The following PCDH7 variants were observed in gnomAD, a reference collection of about 807,000 sequenced individuals.
PCDH7 encodes protocadherin-7.
In PCDH7, 17 loss-of-function variants were observed where a neutral mutation model predicts 58.9. That is an observed-to-expected ratio of 0.29 (90% confidence interval 0.20 to 0.43). The LOEUF (loss-of-function observed/expected upper bound fraction) is 0.43. Among genes scored for constraint, PCDH7 ranks in the 20% least tolerant of loss-of-function variants. The pLI is 1.00. For missense variants in PCDH7, 1,274 were observed against 1,441.0 expected (o/e 0.88, Z 1.88); for synonymous variants, 664 against 616.4 (o/e 1.08, Z -1.14).
chr4:30,973,803 C>T (rs375847040), intron 3 of PCDH7, among the ~76,000 whole-genome samples: 27 of 151,122 alleles, frequency 1.8e-4, no homozygotes, highest in Admixed American at 9.9e-4. Context: ...ATCTCCATTT[C>T]GCCTCGAGAA....
intron 1 of PCDH7, 79 bp from the exon 2 acceptor site, chr4:30,920,074 A>G: frequency 9.4e-7 from 1 of 1,068,952 alleles, no homozygotes; most frequent in Non-Finnish European, 1.3e-6. Flanking sequence ...ACCTTAATGT[A>G]TGTAATTTAT....
intron 3 of PCDH7, among the ~76,000 whole-genome samples, chr4:31,025,716 C>G (rs1018949156): frequency 6.6e-6 from 1 of 152,150 alleles, no homozygotes; most frequent in Non-Finnish European, 1.5e-5. Context: ...CCAAATATAT[C>G]AAGAACCAGT....
chr4:30,858,981 T>C (rs1733842806), intron 1 of PCDH7, among the ~76,000 whole-genome samples: 1 of 152,216 alleles, frequency 6.6e-6, no homozygotes, highest in African/African-American at 2.4e-5. Context: ...GCCACACATA[T>C]GTTTGGCCAA....
intron 1 of PCDH7, among the ~76,000 whole-genome samples, chr4:30,907,693 G>A (rs374423682): frequency 2.6e-5 from 4 of 152,136 alleles, no homozygotes; most frequent in Non-Finnish European, 4.4e-5. Context: ...ACAGTGTGGC[G>A]ATTCCTCAAG....
intron 3 of PCDH7, among the ~76,000 whole-genome samples, chr4:31,106,420 G>C (rs1480581585): frequency 1.3e-5 from 2 of 152,154 alleles, no homozygotes; most frequent in Non-Finnish European, 2.9e-5. Flanking sequence ...CCAGGTAAGT[G>C]CTAACTATAG....
Position 31,107,753 on chromosome 4 carries a change from AAT to A in PCDH7, c.*8-34716_*8-34715del, listed in dbSNP as rs370396818. On this transcript the variant is annotated intron_variant, in intron 3 of 3. Coordinates refer to the PCDH7 transcript ENST00000509759. ...AAGTAGTTTATAATCTAGTGGGAAA[AAT>A]ATAGTCTTTGAAGTCAGTCAAACTA... Among the ~76,000 whole-genome samples, 78 of 152,220 alleles carry A rather than the reference AAT, an allele frequency of 5.1e-4. No homozygotes were observed. In the Middle Eastern group the frequency reaches 0.014, roughly 27 times the overall value.
At chr4:31,102,819 A>G (rs904509286) in intron 3 of PCDH7, among the ~76,000 whole-genome samples, 5 of 152,158 alleles carry the variant, frequency 3.3e-5, no homozygotes, top group Admixed American at 6.5e-5. Context: ...TGGACTTTCT[A>G]TGAGACATAG....
intron 1 of PCDH7, among the ~76,000 whole-genome samples, chr4:30,814,552 AT>A (rs914389811): frequency 1.1e-4 from 16 of 150,166 alleles, no homozygotes; most frequent in South Asian, 2.1e-4. Flanking sequence ...GGCCTAAGAA[AT>A]TTTTTTTTTA....
Position 31,130,690 on chromosome 4 carries a change from A to C in PCDH7, c.*8-11783A>C, listed in dbSNP as rs139307614. 7.2e-5 allele frequency among the ~76,000 whole-genome samples: 11 copies of C among 152,308 alleles called. No homozygotes were observed. The East Asian group carries it at 2.1e-3, about 29-fold the overall frequency. ...TCCCTTTCTAGAGGCTCAAGGGGAG[A>C]ATCCGCTTCCTTGCCTCTTCCTGTT... On this transcript the variant is annotated intron_variant, in intron 3 of 3. Transcript: ENST00000509759.
At chr4:31,021,177 A>G (rs1015324756) in intron 3 of PCDH7, among the ~76,000 whole-genome samples, 1 of 152,186 alleles carries the variant, frequency 6.6e-6, no homozygotes, top group African/African-American at 2.4e-5. Flanking sequence ...GTCATGGGAT[A>G]AGGGTCTCCA....
chr4:30,791,263 G>T (rs1724087257), intron 1 of PCDH7, among the ~76,000 whole-genome samples: 1 of 152,104 alleles, frequency 6.6e-6, no homozygotes, highest in Non-Finnish European at 1.5e-5. Context: ...AATTCAGCCT[G>T]CTTGGGTTTG....
rs539451009 is a variant in PCDH7 at position 30,723,018 on chromosome 4, G to C, written c.1596G>C (p.Pro532=). The C allele has an allele frequency of 1.2e-6, 2 of 1,613,884 alleles. No homozygotes were observed. The highest frequency in any genetic ancestry group is 2.2e-5 in the East Asian group (1 of 44,874). ...AGGTGGGAGACACCAACGACAACCC[G>C]CCCATGTTCGGCCAGTCGGTGGTGG... Residue 532 remains proline (P), a synonymous_variant, in exon 1 of 2, where the codon CCG becomes CCC. Coordinates refer to ENST00000361762, the Ensembl canonical transcript of PCDH7. The surrounding 1 kb of genome is among the most constrained non-coding windows in gnomAD (Gnocchi z 4.6).
At chr4:31,005,973 G>A (rs1458735699) in intron 3 of PCDH7, among the ~76,000 whole-genome samples, 1 of 152,128 alleles carries the variant, frequency 6.6e-6, no homozygotes, top group Non-Finnish European at 1.5e-5. Flanking sequence ...AGTTCATCTC[G>A]AGCCTGACTA....
At chr4:30,795,250 G>A (rs1317775489) in intron 1 of PCDH7, among the ~76,000 whole-genome samples, 1 of 152,038 alleles carries the variant, frequency 6.6e-6, no homozygotes, top group African/African-American at 2.4e-5. Context: ...GGAGTAGCTG[G>A]AATTACAGTC....
At chr4:30,738,663 T>C (rs1040357284) in intron 1 of PCDH7, among the ~76,000 whole-genome samples, 1 of 152,206 alleles carries the variant, frequency 6.6e-6, no homozygotes, top group Non-Finnish European at 1.5e-5. Flanking sequence ...TGAAACAGTC[T>C]AAAAACTGTT....
intron 1 of PCDH7, among the ~76,000 whole-genome samples, chr4:30,852,755 A>G (rs1732921579): frequency 6.7e-6 from 1 of 149,644 alleles, no homozygotes; most frequent in African/African-American, 2.5e-5. Context: ...GATGGGGGTT[A>G]AGGTTAAGCA....
chr4:30,751,656 T>G (rs16884047), intron 1 of PCDH7, among the ~76,000 whole-genome samples: 45,381 of 151,982 alleles, frequency 0.3, 7,123 homozygotes, highest in African/African-American at 0.32. Context: ...AAAAGTTTAT[T>G]AATCTTTGTG....
At chr4:30,749,717 G>T (rs569023834) in intron 1 of PCDH7, among the ~76,000 whole-genome samples, 7 of 152,176 alleles carry the variant, frequency 4.6e-5, no homozygotes, top group African/African-American at 1.7e-4. Flanking sequence ...TATTTTATCC[G>T]AAACCAGTGA....
At chr4:30,960,197 A>T (rs1193059828) in intron 3 of PCDH7, among the ~76,000 whole-genome samples, 5 of 136,900 alleles carry the variant, frequency 3.7e-5, no homozygotes, top group Admixed American at 7.3e-5. Flanking sequence ...CTACTGATTT[A>T]TAAAAGGATC....
Sources: gnomAD v4.1 joint callset for allele counts (sites outside exome capture counted in the v4.1 genomes callset) on GRCh38, gnomAD v4.1.1 for gene constraint, Gnocchi (gnomAD v3.1) non-coding constraint, MANE v1.5 for transcripts, NCBI Gene and HGNC (gene_info 2026-07-23, HGNC 2026-07-21) for gene names.